Variants in ATXN1 observed in about 807,000 individuals in gnomAD.
ATXN1 encodes ataxin-1.
In ATXN1, 8 loss-of-function variants were observed where a neutral mutation model predicts 56.4. The observed-to-expected ratio is 0.14, with a 90% CI of 0.08 to 0.26. ATXN1 has a LOEUF of 0.26. Ranked by LOEUF, ATXN1 falls within the 10% of genes least tolerant of loss-of-function variation. ATXN1 has a pLI of 1.00. For synonymous variants in ATXN1, 514 were observed against 494.6 expected (o/e 1.04, Z -0.52); for missense variants, 987 against 1,106.5 (o/e 0.89, Z 1.53).
intron 6 of ATXN1, among the ~76,000 whole-genome samples, chr6:16,420,964 C>T (rs777586553): frequency 6.6e-6 from 1 of 152,210 alleles, no homozygotes; most frequent in Non-Finnish European, 1.5e-5. Flanking sequence ...TTTTCCCCAT[C>T]TGACCCTGAC....
chr6:16,313,327 C>T (rs559860618), intron 7 of ATXN1, among the ~76,000 whole-genome samples: 107 of 152,058 alleles, frequency 7.0e-4, no homozygotes, highest in Non-Finnish European at 3.5e-4. Flanking sequence ...TACAGAGGTG[C>T]GAGGGTCACT....
At position 16,327,722 on chromosome 6, in the gene ATXN1, G is replaced by T; in HGVS notation, c.589C>A (p.Gln197Lys). 1 of 1,605,872 alleles carries T rather than the reference G, an allele frequency of 6.2e-7. No homozygotes were observed. The highest frequency in any genetic ancestry group is 8.5e-7 in the Non-Finnish European group (1 of 1,179,566). The change falls in exon 7 of 8, where the codon CAG becomes AAG. Residue 197 changes from glutamine (Q) to lysine (K), a missense_variant. Physicochemically the swap from Gln to Lys is moderately conservative, Grantham distance 53 (BLOSUM62 1). Around this residue, in one of 3 missense-constraint regions of ATXN1, gnomAD observed 723 missense variants for 791.7 expected, o/e 0.91. Coordinates refer to ENST00000436367, the MANE Select transcript of ATXN1 (RefSeq NM_001128164.2). Reference sequence around the variant, plus strand: ...TGCTGCTGCTGCTGCTGCTGCTGCTGCTCAGCCTTGTGTCCCGGCGTCTGG... The same window carrying T: ...TGCTGCTGCTGCTGCTGCTGCTGCTTCTCAGCCTTGTGTCCCGGCGTCTGG... ...LSQTPGHKAE[Q>K]QQQQQQQQQQ...
At chr6:16,702,002 A>G (rs1388841009) in intron 2 of ATXN1, among the ~76,000 whole-genome samples, 1 of 152,052 alleles carries the variant, frequency 6.6e-6, no homozygotes, top group Non-Finnish European at 1.5e-5. Context: ...TTCATATGGA[A>G]CCAAAAAAGA....
chr6:16,657,188 C>T lies in ATXN1; in HGVS notation c.-489+588G>A, dbSNP rs185341786. ...ATTCTTAGTAGAGACAGGGTTTCAC[C>T]GCGTTAGCCAGGATGATCTCAATCT... On this transcript the variant is annotated intron_variant, in intron 3 of 7. Coordinates refer to ENST00000436367, the MANE Select transcript of ATXN1 (RefSeq NM_001128164.2). Among the ~76,000 whole-genome samples the T allele has an allele frequency of 1.5e-3, 230 of 152,046 alleles. 1 individual carries two copies. The highest frequency in any genetic ancestry group is 5.3e-3 in the African/African-American group (220 of 41,458).
intron 4 of ATXN1, among the ~76,000 whole-genome samples, chr6:16,545,169 C>G (rs1436228823): frequency 6.6e-6 from 1 of 152,042 alleles, no homozygotes; most frequent in African/African-American, 2.4e-5. Flanking sequence ...TTTCATAATT[C>G]ACGTTTGATT....
chr6:16,698,061 A>G (rs1021056628), intron 2 of ATXN1, among the ~76,000 whole-genome samples: 2 of 152,176 alleles, frequency 1.3e-5, no homozygotes, highest in African/African-American at 4.8e-5. Flanking sequence ...TGCCCATTCT[A>G]ATCATCCCTT....
intron 3 of ATXN1, among the ~76,000 whole-genome samples, chr6:16,637,073 A>G (rs1479225829): frequency 1.3e-5 from 2 of 152,188 alleles, no homozygotes; most frequent in South Asian, 2.1e-4. Context: ...ACTATTCACA[A>G]TAGCAAAGAC....
chr6:16,411,253 T>C (rs1758793660), intron 6 of ATXN1, among the ~76,000 whole-genome samples: 1 of 152,038 alleles, frequency 6.6e-6, no homozygotes, highest in African/African-American at 2.4e-5. Context: ...TGACATATTA[T>C]GCATAATTAA....
intron 6 of ATXN1, among the ~76,000 whole-genome samples, chr6:16,416,754 C>G (rs1758916887): frequency 6.6e-6 from 1 of 152,180 alleles, no homozygotes; most frequent in African/African-American, 2.4e-5. Flanking sequence ...GTTCATGGTT[C>G]CTATCTCTTC....
chr6:16,714,344 A>T (rs1399687557), intron 2 of ATXN1, among the ~76,000 whole-genome samples: 1 of 152,044 alleles, frequency 6.6e-6, no homozygotes, highest in Non-Finnish European at 1.5e-5. Flanking sequence ...CTGAAATGAG[A>T]CACAGCTGGG....
At chr6:16,735,393 A>G (rs1223290998) in intron 2 of ATXN1, among the ~76,000 whole-genome samples, 1 of 152,230 alleles carries the variant, frequency 6.6e-6, no homozygotes, top group African/African-American at 2.4e-5. Flanking sequence ...AATATTTATT[A>G]ACAATGATTT....
At chr6:16,752,207 T>G (rs1760744299) in intron 2 of ATXN1, among the ~76,000 whole-genome samples, 1 of 152,202 alleles carries the variant, frequency 6.6e-6, no homozygotes, top group South Asian at 2.1e-4. Context: ...AAAATGAGTT[T>G]TGAAAATTCA....
At chr6:16,583,473 C>T (rs566263158) in intron 4 of ATXN1, among the ~76,000 whole-genome samples, 24 of 152,062 alleles carry the variant, frequency 1.6e-4, no homozygotes, top group South Asian at 1.0e-3. Context: ...CTGGGTGTGG[C>T]GGGGGGGTCT....
intron 6 of ATXN1, among the ~76,000 whole-genome samples, chr6:16,333,527 T>C (rs1761037658): frequency 2.0e-5 from 3 of 152,136 alleles, no homozygotes; most frequent in Non-Finnish European, 4.4e-5. Flanking sequence ...TAAAAATACA[T>C]CTTAAACCTA....
chr6:16,712,512 C>A, intron 2 of ATXN1, among the ~76,000 whole-genome samples: 1 of 152,122 alleles, frequency 6.6e-6, no homozygotes, highest in East Asian at 1.9e-4. Flanking sequence ...CACGAGTGAA[C>A]TGAACGCAAG....
Position 16,362,060 on chromosome 6 carries a change from G to T in ATXN1, c.-160-33590C>A, listed in dbSNP as rs988068448. On this transcript the variant is annotated intron_variant, in intron 6 of 7. Transcript: ENST00000436367. ...TTTGTTCCCTTGCTGGGTGAGCCGG[G>T]TCAGCCCTGCTGTGTCTTGTCATAA... Among the ~76,000 whole-genome samples the T allele has an allele frequency of 7.9e-5, 12 of 152,192 alleles. No individual in the cohort carries two copies. In the East Asian group the frequency reaches 2.3e-3, roughly 29 times the overall value.
intron 2 of ATXN1, among the ~76,000 whole-genome samples, chr6:16,709,260 AATAG>A (rs1279853147): frequency 6.6e-6 from 1 of 152,150 alleles, no homozygotes; most frequent in Non-Finnish European, 1.5e-5. Context: ...ACAGACACTA[AATAG>A]ATAAGAAGAA....
intron 3 of ATXN1, among the ~76,000 whole-genome samples, chr6:16,607,123 C>T (rs1372452526): frequency 6.6e-6 from 1 of 152,102 alleles, no homozygotes; most frequent in Non-Finnish European, 1.5e-5. Context: ...ATCCACCCGC[C>T]TTGGCCTCCC....
At chr6:16,528,120 G>A (rs1050933224) in intron 4 of ATXN1, among the ~76,000 whole-genome samples, 3 of 151,964 alleles carry the variant, frequency 2.0e-5, no homozygotes, top group African/African-American at 7.3e-5. Context: ...GGGCAACATG[G>A]CAAAACCCCG....
Sources: gnomAD v4.1 joint callset for allele counts (sites outside exome capture counted in the v4.1 genomes callset) on GRCh38, gnomAD v4.1.1 for gene constraint, gnomAD v4.1.1 regional missense constraint, MANE v1.5 for transcripts, NCBI Gene and HGNC (gene_info 2026-07-23, HGNC 2026-07-21) for gene names.